EBF1: variants seen among roughly 807,000 people sequenced by gnomAD.
The protein encoded by EBF1 is transcription factor COE1.
EBF1 carries 10 observed loss-of-function variants against 68.4 expected under a neutral mutation model. The observed-to-expected ratio is 0.15, with a 90% CI of 0.09 to 0.25. The LOEUF (loss-of-function observed/expected upper bound fraction) is 0.25. Among genes scored for constraint, EBF1 ranks in the 10% least tolerant of loss-of-function variants. The pLI is 1.00. For synonymous variants in EBF1, 298 were observed against 299.8 expected (o/e 0.99, Z 0.06); for missense variants, 509 against 794.4 (o/e 0.64, Z 4.32).
chr5:158,958,968 TC>T (rs1025420589), intron 6 of EBF1, among the ~76,000 whole-genome samples: 5 of 152,306 alleles, frequency 3.3e-5, no homozygotes, highest in African/African-American at 1.2e-4. Context: ...ACTCAAGTTG[TC>T]CCCAAGTCAT....
At chr5:158,871,880 AC>A (rs768880526) in intron 6 of EBF1, among the ~76,000 whole-genome samples, 8 of 152,178 alleles carry the variant, frequency 5.3e-5, no homozygotes, top group Non-Finnish European at 1.2e-4. Flanking sequence ...TAAAAACAAA[AC>A]AAAACAAAAA....
intron 6 of EBF1, among the ~76,000 whole-genome samples, chr5:159,024,847 GA>G (rs368261086): frequency 1.3e-5 from 2 of 152,300 alleles, no homozygotes; most frequent in African/African-American, 4.8e-5. Context: ...CAATAAAAGT[GA>G]GGTCCACAAG....
intron 6 of EBF1, among the ~76,000 whole-genome samples, chr5:159,021,406 C>T (rs1192729291): frequency 1.3e-5 from 2 of 152,206 alleles, no homozygotes; most frequent in Admixed American, 1.3e-4. Flanking sequence ...TTCTCATTGG[C>T]ATTCTAACAC....
intron 6 of EBF1, among the ~76,000 whole-genome samples, chr5:158,956,473 A>G (rs1817108560): frequency 6.6e-6 from 1 of 151,646 alleles, no homozygotes; most frequent in Admixed American, 6.6e-5. Flanking sequence ...ACACACACAC[A>G]CACACGCACA....
At chr5:158,870,714 G>C (rs183310372) in intron 6 of EBF1, among the ~76,000 whole-genome samples, 172 of 152,174 alleles carry the variant, frequency 1.1e-3, no homozygotes, top group South Asian at 9.1e-3. Context: ...GAAATCTGAG[G>C]CTTGCCCACT....
intron 6 of EBF1, among the ~76,000 whole-genome samples, chr5:158,908,165 T>C (rs1210363972): frequency 6.6e-6 from 1 of 152,194 alleles, no homozygotes; most frequent in Non-Finnish European, 1.5e-5. Flanking sequence ...TCCTCATCTT[T>C]ACTTAAAATA....
At chr5:158,925,582 G>A (rs1055255126) in intron 6 of EBF1, among the ~76,000 whole-genome samples, 1 of 152,152 alleles carries the variant, frequency 6.6e-6, no homozygotes, top group African/African-American at 2.4e-5. Flanking sequence ...GCAGGTAAAG[G>A]CTGAAGCTCC....
chr5:158,791,265 G>C (rs2127728328), intron 9 of EBF1, among the ~76,000 whole-genome samples: 1 of 149,710 alleles, frequency 6.7e-6, no homozygotes, highest in South Asian at 2.1e-4. Flanking sequence ...GTTGCAGTGG[G>C]CTGAGACCAT....
At chr5:159,092,390 G>A (rs749497377) in intron 4 of EBF1, among the ~76,000 whole-genome samples, 1 of 152,140 alleles carries the variant, frequency 6.6e-6, no homozygotes, top group Non-Finnish European at 1.5e-5. Context: ...TACAATGAAG[G>A]CATAGGGATA....
chr5:158,979,283 A>T (rs952225938), intron 6 of EBF1, among the ~76,000 whole-genome samples: 1 of 152,236 alleles, frequency 6.6e-6, no homozygotes, highest in Non-Finnish European at 1.5e-5. Flanking sequence ...ACATTATCTT[A>T]AAATTCACTT....
intron 10 of EBF1, among the ~76,000 whole-genome samples, chr5:158,734,014 G>A (rs1440488511): frequency 6.6e-6 from 1 of 152,116 alleles, no homozygotes; most frequent in Non-Finnish European, 1.5e-5. Flanking sequence ...GCACCCGCAT[G>A]GAATAGAATA....
At chr5:159,052,812 G>A (rs1774041314) in intron 6 of EBF1, among the ~76,000 whole-genome samples, 3 of 152,208 alleles carry the variant, frequency 2.0e-5, no homozygotes, top group African/African-American at 7.2e-5. Flanking sequence ...TTCAGGAAAC[G>A]GTTCCGTGTT....
At chr5:159,054,333 C>T (rs1774355241) in intron 6 of EBF1, among the ~76,000 whole-genome samples, 1 of 152,132 alleles carries the variant, frequency 6.6e-6, no homozygotes, top group Admixed American at 6.5e-5. Context: ...ATCCATGGGA[C>T]TCACAATTTT....
rs138878661 is a variant in EBF1 at position 159,049,463 on chromosome 5, G to C, written c.554+23933C>G. On this transcript the variant is annotated intron_variant, in intron 6 of 15. Transcript: ENST00000313708. Reference sequence around the variant, plus strand: ...ACTCAAAATGTTTGAGTCTTGATTAGACAAACTCTCAGGCATTCTGAACCA... The same window carrying C: ...ACTCAAAATGTTTGAGTCTTGATTACACAAACTCTCAGGCATTCTGAACCA... Among the ~76,000 whole-genome samples the C allele has an allele frequency of 2.8e-4, 43 of 152,324 alleles. No individual in the cohort carries two copies. In the East Asian group the frequency reaches 7.5e-3, roughly 27 times the overall value.
chr5:159,094,281 T>C (rs1782192688), intron 4 of EBF1, among the ~76,000 whole-genome samples: 1 of 150,996 alleles, frequency 6.6e-6, no homozygotes, highest in Admixed American at 6.6e-5. Flanking sequence ...TTATAAATGG[T>C]GATTTACTCT....
intron 10 of EBF1, among the ~76,000 whole-genome samples, chr5:158,733,214 C>G (rs533927173): frequency 6.6e-6 from 1 of 152,160 alleles, no homozygotes; most frequent in Admixed American, 6.5e-5. Context: ...TAATTGCCAA[C>G]AAAAATGTTT....
chr5:158,932,659 AT>A (rs1271668777), intron 6 of EBF1, among the ~76,000 whole-genome samples: 1 of 152,236 alleles, frequency 6.6e-6, no homozygotes, highest in Non-Finnish European at 1.5e-5. Flanking sequence ...TCATTACATA[AT>A]TTATAACATA....
intron 7 of EBF1, among the ~76,000 whole-genome samples, chr5:158,838,793 C>T (rs981357120): frequency 1.3e-5 from 2 of 152,212 alleles, no homozygotes; most frequent in African/African-American, 4.8e-5. Flanking sequence ...TAAGAGCATA[C>T]TTTAAACACC....
intron 6 of EBF1, among the ~76,000 whole-genome samples, chr5:159,055,208 C>T (rs1190417077): frequency 6.6e-6 from 1 of 152,160 alleles, no homozygotes; most frequent in Non-Finnish European, 1.5e-5. Context: ...GCTACTTAAG[C>T]ACATGTTTAA....
Sources: gnomAD v4.1 joint callset for allele counts (sites outside exome capture counted in the v4.1 genomes callset) on GRCh38, gnomAD v4.1.1 for gene constraint, MANE v1.5 for transcripts, NCBI Gene and HGNC (gene_info 2026-07-23, HGNC 2026-07-21) for gene names.